Variants in SVIL observed in about 807,000 individuals in gnomAD.
The protein encoded by SVIL is archvillin.
In SVIL, 101 loss-of-function variants were observed where a neutral mutation model predicts 240.4. The ratio of observed to expected loss-of-function variants is 0.42; its 90% CI spans 0.36 to 0.50. SVIL has a LOEUF of 0.50. Ranked by LOEUF, SVIL falls within the 20% of genes least tolerant of loss-of-function variation. The pLI, the probability that SVIL is intolerant of heterozygous loss-of-function variation, is 0.01. For synonymous variants in SVIL, 999 were observed against 1,100.0 expected (o/e 0.91, Z 1.82); for missense variants, 2,512 against 2,818.7 (o/e 0.89, Z 2.46).
intron 1 of SVIL, among the ~76,000 whole-genome samples, chr10:29,728,919 C>A (rs1480573928): frequency 1.3e-5 from 2 of 151,992 alleles, no homozygotes; most frequent in Non-Finnish European, 2.9e-5. Flanking sequence ...CCAGGCCTGC[C>A]GGGAGGTGGC....
chr10:29,715,894 A>C (rs1286266072), intron 1 of SVIL, among the ~76,000 whole-genome samples: 1 of 152,226 alleles, frequency 6.6e-6, no homozygotes, highest in Non-Finnish European at 1.5e-5. Flanking sequence ...ACACATGGCT[A>C]CTTAAGTTGG....
At chr10:29,685,842 C>G (rs1463105769) in intron 2 of SVIL, among the ~76,000 whole-genome samples, 1 of 152,058 alleles carries the variant, frequency 6.6e-6, no homozygotes, top group Admixed American at 6.5e-5. Context: ...TTGTTGGGTC[C>G]CTTGGCTGAG....
At chr10:29,706,107 C>T (rs1324959083) in intron 1 of SVIL, among the ~76,000 whole-genome samples, 10 of 152,268 alleles carry the variant, frequency 6.6e-5, no homozygotes, top group African/African-American at 2.4e-4. Flanking sequence ...GTAAATAGTG[C>T]TGCAATAAAC....
In SVIL at chr10:29,669,862, T is replaced by C. The variant is rs144331700; in HGVS notation, c.-300-11794A>G. ...GGCTGTGGTGGCAACGCCTATAATCTCAGCAGTTTGGGAGGCTGAGATGAG... is the reference window on the plus strand; with the variant it reads ...GGCTGTGGTGGCAACGCCTATAATCCCAGCAGTTTGGGAGGCTGAGATGAG... On this transcript the variant is annotated intron_variant, in intron 2 of 35. Transcript: ENST00000375400. Among the ~76,000 whole-genome samples, 400 of 152,260 alleles carry C rather than the reference T, an allele frequency of 2.6e-3. 2 individuals carry two copies. The highest frequency in any genetic ancestry group is 4.5e-3 in the Non-Finnish European group (309 of 68,020).
chr10:29,580,897 C>T (rs1487610945), intron 1 of SVIL, among the ~76,000 whole-genome samples: 1 of 152,178 alleles, frequency 6.6e-6, no homozygotes, highest in Non-Finnish European at 1.5e-5. Context: ...ATTCTTCCAC[C>T]TTGGCCTCCC....
intron 5 of SVIL, among the ~76,000 whole-genome samples, chr10:29,554,461 C>A (rs1418384687): frequency 6.6e-6 from 1 of 151,946 alleles, no homozygotes; most frequent in Non-Finnish European, 1.5e-5. Context: ...GCCTGGGCAA[C>A]AGTGAGACTC....
At chr10:29,587,780 A>C (rs1414064665) in intron 1 of SVIL, among the ~76,000 whole-genome samples, 1 of 152,234 alleles carries the variant, frequency 6.6e-6, no homozygotes, top group Non-Finnish European at 1.5e-5. Flanking sequence ...AATTGACTGC[A>C]TATCCCGGAT....
chr10:29,589,558 C>G (rs370215247), intron 1 of SVIL, among the ~76,000 whole-genome samples: 157 of 152,300 alleles, frequency 1.0e-3, no homozygotes, highest in African/African-American at 3.6e-3. Flanking sequence ...CGTATTCCCC[C>G]TTTCCTCTTC....
At chr10:29,561,203 A>G (rs1033087378) in intron 3 of SVIL, among the ~76,000 whole-genome samples, 1 of 152,168 alleles carries the variant, frequency 6.6e-6, no homozygotes, top group African/African-American at 2.4e-5. Flanking sequence ...AACACATAAA[A>G]TCGTCATCTT....
chr10:29,640,465 C>T (rs1420836374), intron 3 of SVIL, among the ~76,000 whole-genome samples: 1 of 152,160 alleles, frequency 6.6e-6, no homozygotes, highest in African/African-American at 2.4e-5. Flanking sequence ...TACCTTCTCC[C>T]AGAGTGAGCT....
intron 1 of SVIL, among the ~76,000 whole-genome samples, chr10:29,632,885 C>T (rs963494054): frequency 6.6e-6 from 1 of 152,076 alleles, no homozygotes; most frequent in African/African-American, 2.4e-5. Context: ...CCAAAGTTTC[C>T]ATTGTAAGAC....
At chr10:29,734,664 A>G (rs1024396035) in intron 1 of SVIL, among the ~76,000 whole-genome samples, 1 of 152,128 alleles carries the variant, frequency 6.6e-6, no homozygotes, top group Non-Finnish European at 1.5e-5. Flanking sequence ...AAGACAAGAC[A>G]CGAAAACGTG....
intron 1 of SVIL, among the ~76,000 whole-genome samples, chr10:29,585,320 A>G (rs12763626): frequency 0.18 from 27,640 of 151,778 alleles, 2,765 homozygotes; most frequent in African/African-American, 0.25. Context: ...CCTTGGCCCC[A>G]CAAAGTGCAG....
intron 1 of SVIL, among the ~76,000 whole-genome samples, chr10:29,722,637 C>A (rs1964058310): frequency 6.6e-6 from 1 of 152,174 alleles, no homozygotes; most frequent in African/African-American, 2.4e-5. Flanking sequence ...GAGTTGGGTA[C>A]AGATTTATTT....
At chr10:29,724,561 C>G (rs1247467047) in intron 1 of SVIL, among the ~76,000 whole-genome samples, 1 of 151,600 alleles carries the variant, frequency 6.6e-6, no homozygotes, top group East Asian at 1.9e-4. Context: ...ATTCTGGGGT[C>G]AGAATGAAAA....
Position 29,458,125 on chromosome 10 carries a change from G to A in SVIL, c.*122C>T, listed in dbSNP as rs1485318307. 11 of 934,032 alleles carry A rather than the reference G, an allele frequency of 1.2e-5. No individual in the cohort carries two copies. Among genetic ancestry groups the A allele is most frequent in the Admixed American group, 1.0e-4 (4 of 39,390 alleles). The allele number at this position is 934,032 out of a possible 1,614,324, so 57.9% of individuals were successfully genotyped here. On this transcript the variant is annotated 3_prime_UTR_variant, in exon 38 of 38. Coordinates refer to ENST00000355867, the MANE Select transcript of SVIL (RefSeq NM_021738.3). ...CAAGCAGTATCTTTAACAATGTCAG[G>A]TTCTGAAAACTCTGATTGAAAAATA...
intron 1 of SVIL, among the ~76,000 whole-genome samples, chr10:29,600,735 G>A (rs1956780293): frequency 6.6e-6 from 1 of 152,136 alleles, no homozygotes; most frequent in African/African-American, 2.4e-5. Context: ...AAAAACGAAG[G>A]GGTAGAATTG....
intron 1 of SVIL, among the ~76,000 whole-genome samples, chr10:29,704,419 TTCTC>T (rs944126816): frequency 2.0e-5 from 3 of 151,748 alleles, no homozygotes; most frequent in African/African-American, 7.3e-5. Context: ...TTCTCATGCT[TTCTC>T]TCTCTCTCTC....
intron 1 of SVIL, among the ~76,000 whole-genome samples, chr10:29,612,812 T>C (rs2132879165): frequency 6.6e-6 from 1 of 152,300 alleles, no homozygotes; most frequent in South Asian, 2.1e-4. Flanking sequence ...ATTAGGACAA[T>C]GTTCACAAAG....
Sources: allele counts gnomAD v4.1 joint callset (sites outside exome capture counted in the v4.1 genomes callset), GRCh38; gene constraint gnomAD v4.1.1; transcripts MANE v1.5; gene names NCBI Gene and HGNC (gene_info 2026-07-23, HGNC 2026-07-21).